FAT4: variants seen among roughly 807,000 people sequenced by gnomAD.
The protein encoded by FAT4 is protocadherin Fat 4.
A neutral mutation model predicts 303.9 loss-of-function variants in FAT4; 84 were observed. The ratio of observed to expected loss-of-function variants is 0.28; its 90% CI spans 0.23 to 0.33. The LOEUF (loss-of-function observed/expected upper bound fraction) is 0.33, where lower values mean the gene tolerates loss of function less well. Among genes scored for constraint, FAT4 ranks in the 10% least tolerant of loss-of-function variants. The pLI is 1.00. For synonymous variants in FAT4, 2,307 were observed against 2,298.8 expected (o/e 1.00, Z -0.10); for missense variants, 6,005 against 6,146.8 (o/e 0.98, Z 0.77).
At chr4:125,327,901 G>A (rs1050483388) in intron 2 of FAT4, among the ~76,000 whole-genome samples, 4 of 152,248 alleles carry the variant, frequency 2.6e-5, no homozygotes, top group African/African-American at 9.6e-5. Context: ...AACTGCCTAA[G>A]AACCTCATTA....
rs747409091 is a variant in FAT4 at position 125,320,929 on chromosome 4, A to G, written c.4518A>G (p.Glu1506=). 26 of 1,614,064 alleles carry G rather than the reference A, an allele frequency of 1.6e-5. No homozygotes were observed. Among genetic ancestry groups the G allele is most frequent in the Non-Finnish European group, 2.1e-5 (25 of 1,180,018 alleles). Residue 1506 remains glutamate (E), a synonymous_variant, in exon 2 of 18, where the codon GAA becomes GAG. Transcript: ENST00000394329. ...VKANDQAVPI[E]TRRYALKNVT... ...CCAATGATCAAGCTGTGCCAATAGA[A>G]ACTAGACGGTATGCTTTGAAGAACG...
At chr4:125,325,920 G>A (rs968618968) in intron 2 of FAT4, among the ~76,000 whole-genome samples, 2 of 152,090 alleles carry the variant, frequency 1.3e-5, no homozygotes, top group African/African-American at 4.8e-5. Context: ...GTGAACAAAG[G>A]CAGAGGATGG....
At chr4:125,336,620 G>A (rs1731587536) in intron 2 of FAT4, among the ~76,000 whole-genome samples, 1 of 151,858 alleles carries the variant, frequency 6.6e-6, no homozygotes, top group African/African-American at 2.4e-5. Context: ...AATGTTCAAT[G>A]TCTGATCATT....
chr4:125,472,719 T>C (rs1726905381), intron 12 of FAT4, among the ~76,000 whole-genome samples: 2 of 152,198 alleles, frequency 1.3e-5, no homozygotes, highest in Admixed American at 6.5e-5. Context: ...TAAGCAAGTT[T>C]TAAAATACAG....
At chr4:125,359,483 A>G (rs2125983894) in intron 2 of FAT4, among the ~76,000 whole-genome samples, 1 of 152,316 alleles carries the variant, frequency 6.6e-6, no homozygotes, top group East Asian at 1.9e-4. Context: ...AAATGCAAAT[A>G]ATTTAATTCG....
At chr4:125,388,121 G>A (rs1247227008) in intron 2 of FAT4, among the ~76,000 whole-genome samples, 1 of 152,156 alleles carries the variant, frequency 6.6e-6, no homozygotes, top group African/African-American at 2.4e-5. Flanking sequence ...CATGGCAGAG[G>A]TAGAAAAGAA....
intron 17 of FAT4, among the ~76,000 whole-genome samples, chr4:125,488,147 G>A (rs1439255982): frequency 6.6e-6 from 1 of 152,176 alleles, no homozygotes; most frequent in East Asian, 1.9e-4. Context: ...GAATGATGAG[G>A]AGGATGAAAG....
rs1159463778 is a variant in FAT4 at position 125,396,184 on chromosome 4, C to G, written c.5176-2600C>G. ...TGTGGCACTAGGTCGTTCCTTACCA[C>G]TGGACTTTCATTAACTCACCTATCC... On this transcript the variant is annotated intron_variant, in intron 2 of 17. Transcript: ENST00000394329. 5.3e-5 allele frequency among the ~76,000 whole-genome samples: 8 copies of G among 152,020 alleles called. No homozygotes were observed. The East Asian group carries it at 1.5e-3, about 29-fold the overall frequency.
At position 125,450,558 on chromosome 4, in the gene FAT4, C is replaced by T. The variant is rs571235536; in HGVS notation, c.9548C>T (p.Thr3183Ile). The T allele has an allele frequency of 6.8e-6, 11 of 1,613,936 alleles. No homozygotes were observed. The highest frequency in any genetic ancestry group is 4.0e-5 in the African/African-American group (3 of 74,890). ...WVARTGYCSV[T>I]VNVIDVNDNS... ...GCAAGAACTGGTTACTGCAGTGTGA[C>T]CGTAAATGTGATTGATGTGAATGAT... is the stretch of plus-strand genomic sequence containing the variant. The change falls in exon 10 of 18, where the codon ACC becomes ATC. Residue 3183 changes from threonine (T) to isoleucine (I), a missense_variant. Physicochemically the swap from Thr to Ile is moderately conservative, Grantham distance 89. Coordinates refer to ENST00000394329, the MANE Select transcript of FAT4 (RefSeq NM_001291303.3).
chr4:125,389,996 A>G (rs961809896), intron 2 of FAT4, among the ~76,000 whole-genome samples: 44 of 152,146 alleles, frequency 2.9e-4, no homozygotes, highest in African/African-American at 9.4e-4. Context: ...ATGTCGTGAA[A>G]CATTTCACCC....
chr4:125,398,583 C>A (rs1578596914), intron 2 of FAT4, among the ~76,000 whole-genome samples: 1 of 152,050 alleles, frequency 6.6e-6, no homozygotes, highest in Admixed American at 6.6e-5. Context: ...ACAAGGCAGA[C>A]GATTTTTATT....
At chr4:125,368,067 G>A (rs1417599531) in intron 2 of FAT4, among the ~76,000 whole-genome samples, 1 of 151,962 alleles carries the variant, frequency 6.6e-6, no homozygotes, top group East Asian at 1.9e-4. Context: ...TTACTAGTTT[G>A]GAAATTATTT....
At chr4:125,413,181 T>G (rs1734912671) in intron 5 of FAT4, among the ~76,000 whole-genome samples, 1 of 151,788 alleles carries the variant, frequency 6.6e-6, no homozygotes, top group Non-Finnish European at 1.5e-5. Flanking sequence ...TATGTGAAGA[T>G]AGTGGAAATT....
intron 2 of FAT4, among the ~76,000 whole-genome samples, chr4:125,349,736 C>T (rs769444795): frequency 7.9e-5 from 12 of 151,534 alleles, no homozygotes; most frequent in East Asian, 1.9e-4. Flanking sequence ...GCTTGACATT[C>T]GTATCATCAC....
At chr4:125,385,163 AG>A (rs1277333982) in intron 2 of FAT4, among the ~76,000 whole-genome samples, 1 of 151,460 alleles carries the variant, frequency 6.6e-6, no homozygotes, top group Non-Finnish European at 1.5e-5. Flanking sequence ...CTGGAACTAC[AG>A]GCTCCCGCCA....
rs377348654 is a variant in FAT4, at chr4:125,407,120, A to C, written c.5548A>C (p.Ile1850Leu). ...TTCCAGACCCGTGTACTCTTTTGAC[A>C]TTCCTGAGGACACAATCCCTGGTAG... ...KFSRPVYSFD[I>L]PEDTIPGSLV... Residue 1850 changes from isoleucine to leucine, a missense_variant, in exon 4 of 18, where the codon ATT becomes CTT. Coordinates refer to ENST00000394329, the MANE Select transcript of FAT4 (RefSeq NM_001291303.3). The C allele has an allele frequency of 6.2e-6, 10 of 1,612,834 alleles. No individual in the cohort carries two copies. In the African/African-American group the frequency reaches 1.2e-4, roughly 19 times the overall value.
chr4:125,489,348 G>A (rs1727523041), intron 17 of FAT4, among the ~76,000 whole-genome samples: 1 of 152,122 alleles, frequency 6.6e-6, no homozygotes, highest in African/African-American at 2.4e-5. Context: ...GTTAACACCA[G>A]AGGTATGTTT....
intron 10 of FAT4, among the ~76,000 whole-genome samples, chr4:125,461,570 T>C (rs1374690331): frequency 6.6e-6 from 1 of 152,024 alleles, no homozygotes; most frequent in Non-Finnish European, 1.5e-5. Context: ...TAAATACATA[T>C]ATAAGTCTAT....
At position 125,361,774 on chromosome 4, in the gene FAT4, G is replaced by A. The variant is rs77963817; in HGVS notation, c.5176-37010G>A. On this transcript the variant is annotated intron_variant, in intron 2 of 17. Coordinates refer to ENST00000394329, the MANE Select transcript of FAT4 (RefSeq NM_001291303.3). ...AGTGGTCGTTTTATTACCTGCAACCGTTCTGACCCGCTTGTCATTCTATGT... is the reference window on the plus strand; with the variant it reads ...AGTGGTCGTTTTATTACCTGCAACCATTCTGACCCGCTTGTCATTCTATGT... Among the ~76,000 whole-genome samples, 263 of 152,200 alleles carry A rather than the reference G, an allele frequency of 1.7e-3. 3 individuals are homozygous for A. The highest frequency in any genetic ancestry group is 5.8e-3 in the African/African-American group (239 of 41,528).
Sources: allele counts gnomAD v4.1 joint callset (sites outside exome capture counted in the v4.1 genomes callset), GRCh38; gene constraint gnomAD v4.1.1; transcripts MANE v1.5; gene names NCBI Gene and HGNC (gene_info 2026-07-23, HGNC 2026-07-21).